Variants in GRIA4 observed in about 807,000 individuals in gnomAD.
The protein encoded by GRIA4 is glutamate receptor 4.
In GRIA4, 34 loss-of-function variants were observed where a neutral mutation model predicts 104.0. That is an observed-to-expected ratio of 0.33 (90% CI 0.25 to 0.44). The LOEUF is 0.44. GRIA4 is among the 20% of genes least tolerant of loss of function. GRIA4 has a pLI of 1.00. For missense variants in GRIA4, 750 were observed against 1,096.5 expected (o/e 0.68, Z 4.46); for synonymous variants, 386 against 381.9 (o/e 1.01, Z -0.13).
In GRIA4 at chr11:105,713,990, G is replaced by C. The variant is rs74528046; in HGVS notation, c.248-38991G>C. ...TTTTGTTTGTTACCACAATAATCTA[G>C]AAACTACTAAACTTAGAGACGCTTT... On this transcript the variant is annotated intron_variant, in intron 3 of 16. Coordinates refer to ENST00000282499, the MANE Select transcript of GRIA4 (RefSeq NM_000829.4). Among the ~76,000 whole-genome samples the C allele has an allele frequency of 3.0e-3, 456 of 152,242 alleles. 7 individuals carry two copies. The highest frequency in any genetic ancestry group is 0.011 in the African/African-American group (448 of 41,566).
intron 5 of GRIA4, among the ~76,000 whole-genome samples, chr11:105,883,276 C>CT (rs57069838): frequency 0.19 from 26,707 of 138,038 alleles, 2,568 homozygotes; most frequent in South Asian, 0.26. Context: ...TGCACCGTTT[C>CT]TTTTTTTTTT....
At chr11:105,747,323 G>T (rs1939719762) in intron 3 of GRIA4, among the ~76,000 whole-genome samples, 1 of 152,102 alleles carries the variant, frequency 6.6e-6, no homozygotes, top group South Asian at 2.1e-4. Flanking sequence ...AAACAAATAT[G>T]TTGACAATCC....
intron 3 of GRIA4, among the ~76,000 whole-genome samples, chr11:105,665,325 T>A (rs1952132776): frequency 6.6e-6 from 1 of 152,012 alleles, no homozygotes; most frequent in African/African-American, 2.4e-5. Flanking sequence ...AGAAATATAC[T>A]TTTATTCCCA....
rs551935378 is a variant in GRIA4 at position 105,659,020 on chromosome 11, G to A, written c.247+46586G>A. On this transcript the variant is annotated intron_variant, in intron 3 of 16. Coordinates refer to ENST00000282499, the MANE Select transcript of GRIA4 (RefSeq NM_000829.4). ...TTGATGACAATAATGGGATAAATTT[G>A]TCAGAATATTCTAGCATGTTCACAG... Among the ~76,000 whole-genome samples the A allele has an allele frequency of 2.6e-3, 390 of 152,054 alleles. 5 individuals are homozygous for A. The highest frequency in any genetic ancestry group is 1.9e-3 in the Non-Finnish European group (132 of 67,916).
At chr11:105,822,269 G>C (rs1320225546) in intron 4 of GRIA4, among the ~76,000 whole-genome samples, 2 of 152,052 alleles carry the variant, frequency 1.3e-5, no homozygotes, top group Non-Finnish European at 2.9e-5. Context: ...GCCTACCCCA[G>C]AGGAAATCAG....
At chr11:105,948,882 C>T (rs1214119159) in intron 14 of GRIA4, among the ~76,000 whole-genome samples, 3 of 151,982 alleles carry the variant, frequency 2.0e-5, no homozygotes, top group African/African-American at 4.8e-5. Context: ...TGAGCCACCA[C>T]GCCTGGCCAA....
At chr11:105,662,633 A>G (rs1411343079) in intron 3 of GRIA4, among the ~76,000 whole-genome samples, 3 of 151,948 alleles carry the variant, frequency 2.0e-5, no homozygotes, top group Non-Finnish European at 2.9e-5. Context: ...TTACTTCTTT[A>G]CTCATTCTTT....
chr11:105,884,790 A>G (rs1284925367), intron 5 of GRIA4, among the ~76,000 whole-genome samples: 2 of 152,216 alleles, frequency 1.3e-5, no homozygotes, highest in Non-Finnish European at 2.9e-5. Context: ...TTTTTGCTAA[A>G]CAATCTTGAA....
intron 3 of GRIA4, among the ~76,000 whole-genome samples, chr11:105,661,371 A>G (rs1952004511): frequency 6.6e-6 from 1 of 151,644 alleles, no homozygotes; most frequent in Non-Finnish European, 1.5e-5. Flanking sequence ...TACCCCCTAG[A>G]AATTGCTCTA....
At chr11:105,846,506 A>C (rs1944601932) in intron 4 of GRIA4, among the ~76,000 whole-genome samples, 1 of 152,158 alleles carries the variant, frequency 6.6e-6, no homozygotes, top group Admixed American at 6.5e-5. Flanking sequence ...ATTCACACAC[A>C]TATGACTATT....
At chr11:105,804,446 C>G (rs532535775) in intron 4 of GRIA4, among the ~76,000 whole-genome samples, 1 of 151,582 alleles carries the variant, frequency 6.6e-6, no homozygotes, top group Non-Finnish European at 1.5e-5. Context: ...AGGAAAAAAG[C>G]AGAATCCCCC....
intron 4 of GRIA4, among the ~76,000 whole-genome samples, chr11:105,854,084 T>C (rs1944919951): frequency 6.6e-6 from 1 of 152,186 alleles, no homozygotes; most frequent in Non-Finnish European, 1.5e-5. Context: ...TGCCAAGTCT[T>C]CTTCTAGGCA....
intron 14 of GRIA4, among the ~76,000 whole-genome samples, chr11:105,944,610 A>G (rs1406527421): frequency 2.6e-5 from 4 of 152,170 alleles, no homozygotes; most frequent in Non-Finnish European, 4.4e-5. Flanking sequence ...TAAAAATTTA[A>G]TAACTACTAT....
Position 105,928,321 on chromosome 11 carries a change from T to C in GRIA4, c.2046+1382T>C, listed in dbSNP as rs184885462. 2.9e-3 allele frequency among the ~76,000 whole-genome samples: 434 copies of C among 152,128 alleles called. 3 individuals carry two copies. Among genetic ancestry groups the C allele is most frequent in the African/African-American group, 9.8e-3 (409 of 41,562 alleles). On this transcript the variant is annotated intron_variant, in intron 13 of 16. Transcript: ENST00000282499. ...GTATTATTAGGTATAATCTAAGATG[T>C]ATAAGTTAATTACAAAACACTTAAT...
chr11:105,681,478 A>G (rs961391134), intron 3 of GRIA4, among the ~76,000 whole-genome samples: 3 of 152,216 alleles, frequency 2.0e-5, no homozygotes, highest in East Asian at 1.9e-4. Context: ...TCAAATATCT[A>G]TATTTCTAAA....
chr11:105,775,037 C>G (rs952718206), intron 4 of GRIA4, among the ~76,000 whole-genome samples: 1 of 152,096 alleles, frequency 6.6e-6, no homozygotes, highest in South Asian at 2.1e-4. Context: ...GAGTAAAATC[C>G]ATTTCTCTGC....
At chr11:105,712,179 A>G (rs539544400) in intron 3 of GRIA4, among the ~76,000 whole-genome samples, 1 of 152,224 alleles carries the variant, frequency 6.6e-6, no homozygotes, top group African/African-American at 2.4e-5. Context: ...CTGGAAGGAC[A>G]ACCTCAACCA....
chr11:105,758,336 G>A (rs1204327942), intron 4 of GRIA4, among the ~76,000 whole-genome samples: 2 of 152,210 alleles, frequency 1.3e-5, no homozygotes, highest in South Asian at 2.1e-4. Flanking sequence ...ACTAAGGAAA[G>A]AGAACATGTT....
At chr11:105,827,905 C>G (rs1376914835) in intron 4 of GRIA4, among the ~76,000 whole-genome samples, 1 of 151,974 alleles carries the variant, frequency 6.6e-6, no homozygotes, top group East Asian at 1.9e-4. Flanking sequence ...CAGATTCTGC[C>G]AAACACTTGA....
Sources: allele counts gnomAD v4.1 joint callset (sites outside exome capture counted in the v4.1 genomes callset), GRCh38; gene constraint gnomAD v4.1.1; transcripts MANE v1.5; gene names NCBI Gene and HGNC (gene_info 2026-07-23, HGNC 2026-07-21).